Variants in MIGA2 observed in about 807,000 individuals in gnomAD.
The protein encoded by MIGA2 is mitoguardin 2, also known as family with sequence similarity 73, member B.
In MIGA2, 36 loss-of-function variants were observed where a neutral mutation model predicts 69.9. The observed-to-expected ratio is 0.52, with a 90% CI of 0.39 to 0.68. The LOEUF is 0.68. Ranked by LOEUF, MIGA2 falls within the 30% of genes least tolerant of loss-of-function variation. The pLI, the probability that MIGA2 is intolerant of heterozygous loss-of-function variation, is 0.00. For synonymous variants in MIGA2, 333 were observed against 349.2 expected (o/e 0.95, Z 0.52); for missense variants, 660 against 787.7 (o/e 0.84, Z 1.94).
intron 4 of MIGA2, 24 bp downstream of exon 4, chr9:129,048,563 C>T: frequency 6.3e-7 from 1 of 1,591,018 alleles, no homozygotes; most frequent in Non-Finnish European, 8.6e-7. Context: ...GCCAGGGCTC[C>T]AGGGCTCCAG....
intron 2 of MIGA2, 64 bp from the exon 3 acceptor site, chr9:129,042,240 C>A: frequency 6.6e-7 from 1 of 1,526,256 alleles, no homozygotes; most frequent in Non-Finnish European, 9.0e-7. Context: ...TGCTCTGGGG[C>A]GGTCCTGCTG....
chr9:129,066,779 G>A (rs1266464901), intron 11 of MIGA2, among the ~76,000 whole-genome samples: 5 of 150,878 alleles, frequency 3.3e-5, no homozygotes, highest in African/African-American at 4.9e-5. Context: ...CTAACATGGC[G>A]AAACCCCGTC....
intron 4 of MIGA2, 127 bp downstream of exon 4, chr9:129,048,666 A>C: frequency 4.3e-6 from 3 of 704,524 alleles, no homozygotes; most frequent in Non-Finnish European, 7.2e-6. Flanking sequence ...TCCTCCACCC[A>C]CGCGGGCTTT....
rs544174462 is a variant in MIGA2, at chr9:129,059,401, C to A, written c.793+130C>A. On this transcript the variant is annotated intron_variant, in intron 7 of 15. Transcript: ENST00000684074. The surrounding 1 kb of genome is among the most constrained non-coding windows in gnomAD (Gnocchi z 5.6). ...AATCAGAATCCCCAGGGCTCTCCGACCTCGCGTGATCCAGCACCTTATGGC... is the reference window on the plus strand; with the variant it reads ...AATCAGAATCCCCAGGGCTCTCCGAACTCGCGTGATCCAGCACCTTATGGC... 4.2e-5 allele frequency: 29 copies of A among 687,816 alleles called. No individual in the cohort carries two copies. The East Asian group carries it at 7.7e-4, about 18-fold the overall frequency. The allele number at this position is 687,816 out of a possible 1,614,324, so 42.6% of individuals were successfully genotyped here.
At chr9:129,062,273 A>C (rs1449864703) in intron 9 of MIGA2, among the ~76,000 whole-genome samples, 1 of 151,864 alleles carries the variant, frequency 6.6e-6, no homozygotes, top group Admixed American at 6.6e-5. Flanking sequence ...GCTCATGCCT[A>C]TAATTCCAGC....
At chr9:129,048,840 CTG>C (rs1444858261) in intron 4 of MIGA2, among the ~76,000 whole-genome samples, 2 of 152,166 alleles carry the variant, frequency 1.3e-5, no homozygotes, top group Admixed American at 6.6e-5. Flanking sequence ...ACCAGGGACT[CTG>C]TCAGGCACTG....
rs183627738 is a variant in MIGA2, at chr9:129,062,777, G to A, written c.1011-467G>A. 2.7e-3 allele frequency among the ~76,000 whole-genome samples: 411 copies of A among 152,190 alleles called. 4 individuals are homozygous for A. The highest frequency in any genetic ancestry group is 3.9e-3 in the Non-Finnish European group (262 of 67,998). On this transcript the variant is annotated intron_variant, in intron 9 of 15. Coordinates refer to ENST00000684074, the MANE Select transcript of MIGA2 (RefSeq NM_001329990.2). The stretch of plus-strand genomic sequence containing the variant: ...GAGAATCACTTGAACCTGGGAGGCG[G>A]AGGTTGCAGTGAGCTGAGATTGTAC...
chr9:129,061,097 A>G lies in MIGA2; in HGVS notation c.895-134A>G, dbSNP rs1846043700. The G allele has an allele frequency of 1.4e-6, 1 of 726,674 alleles. No homozygotes were observed. The highest frequency in any genetic ancestry group is 2.1e-5 in the Admixed American group (1 of 48,282). The allele number at this position is 726,674 out of a possible 1,614,324, so 45.0% of individuals were successfully genotyped here. On this transcript the variant is annotated intron_variant, in intron 8 of 15. Coordinates refer to ENST00000684074, the MANE Select transcript of MIGA2 (RefSeq NM_001329990.2). The surrounding 1 kb of genome is among the most constrained non-coding windows in gnomAD (Gnocchi z 5.0). The stretch of plus-strand genomic sequence containing the variant: ...CCTCCTGGCCAGTGTTCCCTCTGAC[A>G]TCCCCTCAGAGACGTTGGCAGTGGG...
Position 129,059,106 on chromosome 9 carries a change from A to C in MIGA2, c.676-48A>C. ...GGGGGTGAGGGAAGGGGCCATTTTC[A>C]TCGGGAGCTTTGAGGGTCTGGGTTG... On this transcript the variant is annotated intron_variant, in intron 6 of 15. Transcript: ENST00000684074. The surrounding 1 kb of genome is among the most constrained non-coding windows in gnomAD (Gnocchi z 5.6). The C allele has an allele frequency of 1.9e-6, 3 of 1,563,702 alleles. No homozygotes were observed. In the South Asian group the frequency reaches 3.3e-5, roughly 17 times the overall value.
chr9:129,062,094 A>G (rs1267001308), intron 9 of MIGA2, among the ~76,000 whole-genome samples: 1 of 129,316 alleles, frequency 7.7e-6, no homozygotes, highest in African/African-American at 3.0e-5. Flanking sequence ...TGTGTTGGCT[A>G]GGCTGGTCTC....
Position 129,063,190 on chromosome 9 carries a change from G to A in MIGA2, c.1011-54G>A, listed in dbSNP as rs17508363. 351 of 1,597,154 alleles carry A rather than the reference G, an allele frequency of 2.2e-4. No individual in the cohort carries two copies. The African/African-American group carries it at 4.3e-3, about 20-fold the overall frequency. On this transcript the variant is annotated intron_variant, in intron 9 of 15. Transcript: ENST00000684074. ...CCACCCAGGTGCCACCTGACCCCCC[G>A]GGGCATCGCTGGGCAGGGACCAGGT...
chr9:129,049,418 G>A lies in MIGA2; in HGVS notation c.458G>A (p.Cys153Tyr). The A allele has an allele frequency of 6.2e-7, 1 of 1,613,530 alleles. No individual in the cohort carries two copies. The highest frequency in any genetic ancestry group is 2.2e-5 in the East Asian group (1 of 44,874). The stretch of plus-strand genomic sequence containing the variant: ...AACTCATCCAGCCCCACAGCCGCGT[G>A]CTCGGGACTATGGGATGCCAGAGGG... ...AVNSSSPTAA[C>Y]SGLWDARGME... The change falls in exon 5 of 16, where the codon TGC (cysteine) becomes TAC (tyrosine). Residue 153 changes from cysteine (C) to tyrosine (Y), a missense_variant. Physicochemically the swap from Cys to Tyr is radical, Grantham distance 194. Transcript: ENST00000684074.
rs1458813092 is a variant in MIGA2 at position 129,057,987 on chromosome 9, T to C, written c.676-1167T>C. Among the ~76,000 whole-genome samples the C allele has an allele frequency of 2.0e-5, 3 of 152,166 alleles. No individual in the cohort carries two copies. In the East Asian group the frequency reaches 5.8e-4, roughly 29 times the overall value. On this transcript the variant is annotated intron_variant, in intron 6 of 15. Coordinates refer to ENST00000684074, the MANE Select transcript of MIGA2 (RefSeq NM_001329990.2). ...GTATAAGGATACAGAATATAATACA[T>C]AGAACATACAAAATATGTGTTAATC...
At chr9:129,064,463 T>C (rs1846235050) in intron 11 of MIGA2, among the ~76,000 whole-genome samples, 1 of 151,722 alleles carries the variant, frequency 6.6e-6, no homozygotes. Context: ...CGCCTCGGCC[T>C]CCCAAAGTGC....
At chr9:129,047,931 G>A (rs556202465) in intron 3 of MIGA2, among the ~76,000 whole-genome samples, 1 of 151,968 alleles carries the variant, frequency 6.6e-6, no homozygotes, top group South Asian at 2.1e-4. Context: ...GTTTCGCCAT[G>A]TTGCCCAGGC....
chr9:129,061,283 C>A lies in MIGA2; in HGVS notation c.947C>A (p.Ala316Asp). ...GDYPIPLSRP[A>D]AAYEEALQLV... ...TACCCGATCCCACTCTCCAGACCCG[C>A]CGCTGCCTATGAGGAGGCCCTGCAG... Residue 316 changes from alanine to aspartate, a missense_variant, in exon 9 of 16, where the codon GCC becomes GAC. This residue lies in a region of MIGA2 where 386 missense variants were observed against 402.0 expected (regional missense o/e 0.96). Coordinates refer to ENST00000684074, the MANE Select transcript of MIGA2 (RefSeq NM_001329990.2). The surrounding 1 kb of genome is among the most constrained non-coding windows in gnomAD (Gnocchi z 5.0). The A allele has an allele frequency of 1.2e-6, 2 of 1,613,190 alleles. No individual in the cohort carries two copies. Among genetic ancestry groups the A allele is most frequent in the Non-Finnish European group, 1.7e-6 (2 of 1,179,932 alleles).
At chr9:129,052,552 G>C (rs1004340109) in intron 6 of MIGA2, among the ~76,000 whole-genome samples, 17 of 152,128 alleles carry the variant, frequency 1.1e-4, no homozygotes, top group African/African-American at 4.1e-4. Flanking sequence ...CGAGGCAGGA[G>C]GACCAGTTGA....
intron 10 of MIGA2, 34 bp from the exon 11 acceptor site, chr9:129,063,511 G>A (rs759632855): frequency 3.4e-5 from 55 of 1,611,186 alleles, no homozygotes; most frequent in Middle Eastern, 1.6e-4. Context: ...TGCCGTGCCC[G>A]GCAGCTCACT....
intron 1 of MIGA2, chr9:129,037,067 C>T: frequency 1.0e-6 from 1 of 1,001,364 alleles, no homozygotes. Context: ...AGGGGCTGCC[C>T]AAGATGCCTG....
Sources: gnomAD v4.1 joint callset for allele counts (sites outside exome capture counted in the v4.1 genomes callset) on GRCh38, gnomAD v4.1.1 for gene constraint, gnomAD v4.1.1 regional missense constraint, Gnocchi (gnomAD v3.1) non-coding constraint, MANE v1.5 for transcripts, NCBI Gene and HGNC (gene_info 2026-07-23, HGNC 2026-07-21) for gene names.